ATG5: variants seen among roughly 807,000 people sequenced by gnomAD.
ATG5 encodes the protein autophagy related 5.
ATG5 carries 14 observed loss-of-function variants against 36.5 expected under a neutral mutation model. The observed-to-expected ratio is 0.38, with a 90% CI of 0.25 to 0.60. The LOEUF is 0.60. Ranked by LOEUF, ATG5 falls within the 20% of genes least tolerant of loss-of-function variation. ATG5 has a pLI of 0.60. For missense variants in ATG5, 195 were observed against 326.7 expected (o/e 0.60, Z 3.11); for synonymous variants, 95 against 101.5 (o/e 0.94, Z 0.38).
At chr6:106,221,204 G>A (rs1024244893) in intron 6 of ATG5, among the ~76,000 whole-genome samples, 1 of 152,156 alleles carries the variant, frequency 6.6e-6, no homozygotes, top group African/African-American at 2.4e-5. Flanking sequence ...ACTGTAATCT[G>A]AGGTCCTTTA....
intron 6 of ATG5, among the ~76,000 whole-genome samples, chr6:106,202,908 C>T (rs1043871243): frequency 2.6e-5 from 4 of 152,136 alleles, no homozygotes; most frequent in East Asian, 1.9e-4. Context: ...GGCAATCTGC[C>T]GGCTTCGGCC....
intron 6 of ATG5, among the ~76,000 whole-genome samples, chr6:106,242,050 A>C (rs1368249103): frequency 1.3e-5 from 2 of 151,976 alleles, no homozygotes; most frequent in Non-Finnish European, 2.9e-5. Flanking sequence ...ATGAATGGAG[A>C]AGCAAAATGT....
chr6:106,232,248 C>A (rs567761283), intron 6 of ATG5, among the ~76,000 whole-genome samples: 1 of 152,268 alleles, frequency 6.6e-6, no homozygotes, highest in African/African-American at 2.4e-5. Flanking sequence ...CTGTCCCAGA[C>A]AACGGTCCTC....
At chr6:106,280,209 A>C (rs1582647132) in intron 4 of ATG5, among the ~76,000 whole-genome samples, 1 of 151,484 alleles carries the variant, frequency 6.6e-6, no homozygotes, top group South Asian at 2.1e-4. Flanking sequence ...GTAAACAGAC[A>C]CCTACCATCT....
chr6:106,268,300 G>A (rs1310677222), intron 5 of ATG5, among the ~76,000 whole-genome samples: 1 of 152,180 alleles, frequency 6.6e-6, no homozygotes, highest in Non-Finnish European at 1.5e-5. Context: ...CTGATCATTA[G>A]AGAAATGCAA....
intron 1 of ATG5, among the ~76,000 whole-genome samples, chr6:106,317,990 T>G (rs1484713258): frequency 2.7e-4 from 41 of 152,340 alleles, no homozygotes; most frequent in Non-Finnish European, 1.5e-5. Context: ...AGATTCACCT[T>G]TTGATGATGA....
Position 106,246,067 on chromosome 6 carries a change from T to C in ATG5, c.573+2083A>G, listed in dbSNP as rs528194654. ...CTGGACTCCTTAATTTTTATATTCA[T>C]TTTCATATCTCACTTCTAAAACTTT... On this transcript the variant is annotated intron_variant, in intron 6 of 7. Transcript: ENST00000369076. Among the ~76,000 whole-genome samples, 3 of 152,304 alleles carry C rather than the reference T, an allele frequency of 2.0e-5. No individual in the cohort carries two copies. In the South Asian group the frequency reaches 6.2e-4, roughly 32 times the overall value.
At chr6:106,239,461 T>TG (rs1250951039) in intron 6 of ATG5, among the ~76,000 whole-genome samples, 2 of 152,158 alleles carry the variant, frequency 1.3e-5, no homozygotes, top group East Asian at 3.8e-4. Context: ...CAGGACACTA[T>TG]GGGGAACTGA....
rs899495601 is a variant in ATG5 at position 106,185,218 on chromosome 6, T to C, written c.*1322A>G. On this transcript the variant is annotated 3_prime_UTR_variant, in exon 8 of 8. Coordinates refer to ENST00000369076, the MANE Select transcript of ATG5 (RefSeq NM_004849.4). ...AAAAAGAAAAGGAAGCAATGAACAA[T>C]AGTAGAATCTCACTTCAGCATTTGT... 3.9e-5 allele frequency: 6 copies of C among 152,726 alleles called. No individual in the cohort carries two copies. The East Asian group carries it at 5.6e-4, about 14-fold the overall frequency. The allele number at this position is 152,726 out of a possible 1,614,324, so 9.5% of individuals were successfully genotyped here. A position where few individuals can be genotyped will look rare whatever the true frequency, so the allele number is the denominator to read the frequency against.
chr6:106,300,777 T>A (rs1429561091), intron 3 of ATG5, among the ~76,000 whole-genome samples: 3 of 152,040 alleles, frequency 2.0e-5, no homozygotes, highest in African/African-American at 4.8e-5. Context: ...GGGACCACCA[T>A]CCTAAATGCG....
chr6:106,246,118 T>C (rs1266528585), intron 6 of ATG5, among the ~76,000 whole-genome samples: 1 of 152,108 alleles, frequency 6.6e-6, no homozygotes, highest in Non-Finnish European at 1.5e-5. Flanking sequence ...AAAACCAAAA[T>C]GGAACTGAGA....
intron 5 of ATG5, among the ~76,000 whole-genome samples, chr6:106,255,738 T>G (rs1778775208): frequency 6.6e-6 from 1 of 152,206 alleles, no homozygotes; most frequent in Non-Finnish European, 1.5e-5. Context: ...GTGCTTATAT[T>G]AAAATTTCTA....
intron 6 of ATG5, among the ~76,000 whole-genome samples, chr6:106,202,656 C>T (rs1021074273): frequency 6.6e-6 from 1 of 152,092 alleles, no homozygotes; most frequent in Non-Finnish European, 1.5e-5. Flanking sequence ...ATATCCAAAA[C>T]TTAATCTTCT....
intron 3 of ATG5, among the ~76,000 whole-genome samples, chr6:106,294,293 G>C (rs537598255): frequency 7.9e-5 from 12 of 152,188 alleles, no homozygotes; most frequent in Non-Finnish European, 1.8e-4. Flanking sequence ...CTCAAAATGA[G>C]TAACTCTGAC....
At chr6:106,239,851 A>G (rs192713232) in intron 6 of ATG5, among the ~76,000 whole-genome samples, 37 of 152,354 alleles carry the variant, frequency 2.4e-4, no homozygotes, top group African/African-American at 8.4e-4. Flanking sequence ...AGAATCACAC[A>G]GTTTCAACAG....
intron 6 of ATG5, among the ~76,000 whole-genome samples, chr6:106,231,964 A>T (rs1777711912): frequency 6.6e-6 from 1 of 152,218 alleles, no homozygotes; most frequent in Non-Finnish European, 1.5e-5. Flanking sequence ...CTACAAGGAC[A>T]CTTTAAAAAA....
chr6:106,299,417 T>C (rs2114645815), intron 3 of ATG5, among the ~76,000 whole-genome samples: 1 of 152,320 alleles, frequency 6.6e-6, no homozygotes, highest in East Asian at 1.9e-4. Flanking sequence ...AATCCATGGA[T>C]GCAGAACCCA....
At chr6:106,194,291 C>T (rs755077870) in intron 7 of ATG5, among the ~76,000 whole-genome samples, 2 of 152,114 alleles carry the variant, frequency 1.3e-5, no homozygotes, top group Non-Finnish European at 2.9e-5. Flanking sequence ...AGTGCCATCA[C>T]ACTGACAAAT....
At chr6:106,251,018 G>T (rs968238695) in intron 5 of ATG5, among the ~76,000 whole-genome samples, 2 of 152,238 alleles carry the variant, frequency 1.3e-5, no homozygotes, top group Non-Finnish European at 2.9e-5. Context: ...GGCAGCAGGA[G>T]CCTGGCCCAG....
Sources: gnomAD v4.1 joint callset for allele counts (sites outside exome capture counted in the v4.1 genomes callset) on GRCh38, gnomAD v4.1.1 for gene constraint, MANE v1.5 for transcripts, NCBI Gene and HGNC (gene_info 2026-07-23, HGNC 2026-07-21) for gene names.